CACNA2D3: variants seen among roughly 807,000 people sequenced by gnomAD.
CACNA2D3 encodes calcium voltage-gated channel auxiliary subunit alpha2delta 3.
Under a neutral mutation model 160.6 loss-of-function variants are expected in CACNA2D3, and 60 were observed. The observed-to-expected ratio is 0.37, with a 90% CI of 0.30 to 0.46. CACNA2D3 has a LOEUF of 0.46. CACNA2D3 is among the 20% of genes least tolerant of loss of function. The probability of loss-of-function intolerance (pLI) is 1.00; values close to 1 mark genes in which losing one functional copy is unlikely to be tolerated. For missense variants in CACNA2D3, 1,205 were observed against 1,365.0 expected (o/e 0.88, Z 1.85); for synonymous variants, 558 against 492.9 (o/e 1.13, Z -1.75).
chr3:54,936,330 A>AT (rs2106969915), intron 27 of CACNA2D3, among the ~76,000 whole-genome samples: 1 of 152,296 alleles, frequency 6.6e-6, no homozygotes, highest in East Asian at 1.9e-4. Context: ...CCGTGGACAG[A>AT]GCTCCCCATC....
intron 24 of CACNA2D3, among the ~76,000 whole-genome samples, chr3:54,889,820 G>C (rs1700015045): frequency 6.6e-6 from 1 of 152,156 alleles, no homozygotes; most frequent in Non-Finnish European, 1.5e-5. Context: ...TCTTTCTCTA[G>C]TAAACCTTGT....
At chr3:55,054,997 T>C (rs899768745) in intron 35 of CACNA2D3, among the ~76,000 whole-genome samples, 1 of 152,098 alleles carries the variant, frequency 6.6e-6, no homozygotes, top group Non-Finnish European at 1.5e-5. Flanking sequence ...AATTTATCTG[T>C]ACTAGTTAGA....
intron 35 of CACNA2D3, among the ~76,000 whole-genome samples, chr3:55,033,765 T>A (rs1482502899): frequency 3.0e-5 from 4 of 135,022 alleles, no homozygotes; most frequent in African/African-American, 1.1e-4. Context: ...AAATATATAT[T>A]ATATAATATG....
intron 2 of CACNA2D3, among the ~76,000 whole-genome samples, chr3:54,128,250 G>A (rs1699637403): frequency 6.6e-6 from 1 of 151,970 alleles, no homozygotes; most frequent in South Asian, 2.1e-4. Flanking sequence ...CATTGGGCCT[G>A]AGCTGACACA....
In CACNA2D3 at chr3:54,549,084, C is replaced by T. The variant is rs1181542232; in HGVS notation, c.545-13716C>T. Among the ~76,000 whole-genome samples the T allele has an allele frequency of 4.6e-5, 7 of 152,302 alleles. No homozygotes were observed. In the East Asian group the frequency reaches 1.4e-3, roughly 29 times the overall value. On this transcript the variant is annotated intron_variant, in intron 5 of 37. Transcript: ENST00000474759. ...TCTCTTAGAAGCAGGCTCATGGTTG[C>T]ATATTGTCTCTCCAATATAAATCTC...
At chr3:55,064,829 G>A (rs1317960717) in intron 35 of CACNA2D3, among the ~76,000 whole-genome samples, 2 of 152,146 alleles carry the variant, frequency 1.3e-5, no homozygotes, top group African/African-American at 2.4e-5. Context: ...GGAGATCTCT[G>A]GCTGTGTGAC....
chr3:54,438,433 A>T (rs1292544405), intron 4 of CACNA2D3, among the ~76,000 whole-genome samples: 1 of 152,174 alleles, frequency 6.6e-6, no homozygotes, highest in East Asian at 1.9e-4. Context: ...AGTTCCAAAA[A>T]CCTTCCTGAA....
intron 2 of CACNA2D3, among the ~76,000 whole-genome samples, chr3:54,279,602 C>T (rs1702823600): frequency 6.6e-6 from 1 of 152,186 alleles, no homozygotes; most frequent in Non-Finnish European, 1.5e-5. Context: ...CAAGAACTTT[C>T]CATCTCTGTC....
intron 13 of CACNA2D3, among the ~76,000 whole-genome samples, chr3:54,809,307 C>CTTTTTTTTTTTTTTTTTT (rs1417063441): frequency 3.5e-5 from 3 of 86,242 alleles, no homozygotes; most frequent in African/African-American, 8.1e-5. Context: ...TTCCTTCCTT[C>CTTTTTTTTTTTTTTTTTT]TTTCTTTTTT....
intron 4 of CACNA2D3, among the ~76,000 whole-genome samples, chr3:54,430,536 A>T (rs571401849): frequency 6.6e-6 from 1 of 152,138 alleles, no homozygotes; most frequent in Non-Finnish European, 1.5e-5. Flanking sequence ...AAAGTTTTCA[A>T]CTCAACACAT....
intron 4 of CACNA2D3, among the ~76,000 whole-genome samples, chr3:54,485,568 C>G (rs1575483256): frequency 1.4e-5 from 2 of 141,354 alleles, no homozygotes; most frequent in Non-Finnish European, 1.6e-5. Flanking sequence ...ATAATAGACA[C>G]TTTTTTTTTT....
At chr3:54,839,680 CT>C (rs1698779005) in intron 16 of CACNA2D3, among the ~76,000 whole-genome samples, 1 of 152,150 alleles carries the variant, frequency 6.6e-6, no homozygotes, top group Admixed American at 6.5e-5. Context: ...TGGCACCACC[CT>C]CCCTGATGTG....
At chr3:54,369,000 C>T (rs923290392) in intron 3 of CACNA2D3, among the ~76,000 whole-genome samples, 2 of 151,870 alleles carry the variant, frequency 1.3e-5, no homozygotes, top group South Asian at 2.1e-4. Context: ...TGCGTCCGGC[C>T]GGCAGTAGGG....
chr3:54,702,338 T>A (rs1700782900), intron 11 of CACNA2D3, among the ~76,000 whole-genome samples: 1 of 151,966 alleles, frequency 6.6e-6, no homozygotes, highest in Non-Finnish European at 1.5e-5. Context: ...GGAGAAAATA[T>A]TTGCAAACTG....
chr3:54,772,196 G>A (rs1461669158), intron 13 of CACNA2D3, among the ~76,000 whole-genome samples: 2 of 149,642 alleles, frequency 1.3e-5, no homozygotes, highest in Admixed American at 6.7e-5. Flanking sequence ...GCTTAATATG[G>A]TCTGACTCTT....
At chr3:54,908,952 A>G (rs1013164400) in intron 27 of CACNA2D3, among the ~76,000 whole-genome samples, 2 of 152,222 alleles carry the variant, frequency 1.3e-5, no homozygotes, top group Non-Finnish European at 2.9e-5. Context: ...AAAATATGTC[A>G]CATATTCTAT....
At chr3:54,652,922 A>G (rs1699802512) in intron 11 of CACNA2D3, among the ~76,000 whole-genome samples, 1 of 151,648 alleles carries the variant, frequency 6.6e-6, no homozygotes, top group African/African-American at 2.4e-5. Flanking sequence ...AGCTGGGATG[A>G]TAGGCGCACA....
intron 11 of CACNA2D3, among the ~76,000 whole-genome samples, chr3:54,698,992 A>G (rs753807053): frequency 2.0e-5 from 3 of 152,174 alleles, no homozygotes; most frequent in Non-Finnish European, 4.4e-5. Context: ...ATCATAGGAG[A>G]CATTTAGGTA....
chr3:54,931,262 GT>G (rs1337393642), intron 27 of CACNA2D3, among the ~76,000 whole-genome samples: 2 of 152,124 alleles, frequency 1.3e-5, no homozygotes, highest in African/African-American at 4.8e-5. Flanking sequence ...TGCCCAAGGG[GT>G]TTTTTTGGTT....
Sources: gnomAD v4.1 joint callset for allele counts (sites outside exome capture counted in the v4.1 genomes callset) on GRCh38, gnomAD v4.1.1 for gene constraint, MANE v1.5 for transcripts, NCBI Gene and HGNC (gene_info 2026-07-23, HGNC 2026-07-21) for gene names.